The following SEC14L1 variants were observed in gnomAD, a reference collection of about 807,000 sequenced individuals.
SEC14L1 encodes SEC14-like protein 1.
Under a neutral mutation model 85.3 loss-of-function variants are expected in SEC14L1, and 48 were observed. The ratio of observed to expected loss-of-function variants is 0.56; its 90% CI spans 0.45 to 0.72. The LOEUF is 0.72. Ranked by LOEUF, SEC14L1 falls within the 30% of genes least tolerant of loss-of-function variation. The pLI, the probability that SEC14L1 is intolerant of heterozygous loss-of-function variation, is 0.00. For synonymous variants in SEC14L1, 391 were observed against 355.5 expected, an observed-to-expected ratio of 1.10 and a Z score of -1.12; for missense variants, 682 against 921.4, an observed-to-expected ratio of 0.74 and a Z score of 3.36.
chr17:77,201,886 C>T (rs2143121807), intron 9 of SEC14L1, among the ~76,000 whole-genome samples: 1 of 152,334 alleles, frequency 6.6e-6, no homozygotes, highest in South Asian at 2.1e-4. Context: ...ATGAAGTTCA[C>T]TAGGTGACAA....
At chr17:77,181,260 A>G (rs1434004687) in intron 3 of SEC14L1, 1 of 152,376 alleles carries the variant, frequency 6.6e-6, no homozygotes, top group Non-Finnish European at 1.5e-5. Context: ...CCCTCTGCAG[A>G]CATCACCACC....
intron 3 of SEC14L1, among the ~76,000 whole-genome samples, chr17:77,116,398 T>C (rs1433749308): frequency 6.6e-6 from 1 of 152,080 alleles, no homozygotes; most frequent in Non-Finnish European, 1.5e-5. Context: ...GAGAAATTAA[T>C]TCTGACCCTT....
chr17:77,107,378 C>T (rs1048437279), intron 3 of SEC14L1, among the ~76,000 whole-genome samples: 2 of 152,040 alleles, frequency 1.3e-5, no homozygotes, highest in Admixed American at 6.6e-5. Context: ...AGCTATTGAG[C>T]GCTGGGTAGG....
In SEC14L1 at chr17:77,213,858, G is replaced by A. The variant is rs1976901846; in HGVS notation, c.2043-60G>A. 2 of 1,595,590 alleles carry A rather than the reference G, an allele frequency of 1.3e-6. No individual in the cohort carries two copies. The highest frequency in any genetic ancestry group is 2.2e-5 in the South Asian group (2 of 90,424). On this transcript the variant is annotated intron_variant, in intron 16 of 16. Transcript: ENST00000436233. This position sits in a 1 kb window ranked among gnomAD's most constrained non-coding sequence, Gnocchi z 7.1. ...GGCCACGAAGTCCAGCAGGCAGTGT[G>A]GGCCGGCGGGTGGTTGGCAGGGTGG...
At chr17:77,150,766 T>C (rs566213871) in intron 3 of SEC14L1, among the ~76,000 whole-genome samples, 2 of 152,340 alleles carry the variant, frequency 1.3e-5, no homozygotes, top group African/African-American at 4.8e-5. Flanking sequence ...TCTCCATCTT[T>C]GTGGCAGCTA....
At position 77,214,611 on chromosome 17, in the gene SEC14L1, C is replaced by T. The variant is rs189185175; in HGVS notation, c.*588C>T. 36 of 986,594 alleles carry T rather than the reference C, an allele frequency of 3.6e-5. No homozygotes were observed. The highest frequency in any genetic ancestry group is 4.2e-5 in the Non-Finnish European group (35 of 830,858). 61.1% of individuals were successfully genotyped at this position (986,594 alleles called of 1,614,324 possible). A position where few individuals can be genotyped will look rare whatever the true frequency, so the allele number is the denominator to read the frequency against. Reference sequence around the variant, plus strand: ...GTCCCAGGGCCAGACACACCCACACCACCCACTGTCCTGCAGTGGGGCCGG... The same window carrying T: ...GTCCCAGGGCCAGACACACCCACACTACCCACTGTCCTGCAGTGGGGCCGG... On this transcript the variant is annotated 3_prime_UTR_variant, in exon 17 of 17. Coordinates refer to ENST00000436233, the MANE Select transcript of SEC14L1 (RefSeq NM_001143998.2).
At chr17:77,140,273 G>A (rs566643978), upstream of SEC14L1, among the ~76,000 whole-genome samples, 2 of 152,120 alleles carry the variant, frequency 1.3e-5, no homozygotes, top group Non-Finnish European at 1.5e-5. Flanking sequence ...CTGGGCGCGC[G>A]TCTCAGTTTC....
At chr17:77,146,258 C>T (rs1973301128) in intron 3 of SEC14L1, among the ~76,000 whole-genome samples, 2 of 152,138 alleles carry the variant, frequency 1.3e-5, no homozygotes, top group Admixed American at 1.3e-4. Flanking sequence ...GGGGTGGACA[C>T]AGGGCAGAGA....
At chr17:77,196,158 G>A in intron 7 of SEC14L1, 44 bp from the exon 8 acceptor site, 1 of 1,477,872 alleles carries the variant, frequency 6.8e-7, no homozygotes, top group Non-Finnish European at 9.5e-7. Context: ...GGAGCCTAAA[G>A]CTCCAGTGTT....
chr17:77,177,138 C>T (rs12452427), intron 3 of SEC14L1, among the ~76,000 whole-genome samples: 54,144 of 150,920 alleles, frequency 0.36, 9,914 homozygotes, highest in South Asian at 0.43. Context: ...CTTGAGGCAC[C>T]ATGAAAGTTA....
chr17:77,158,883 C>T (rs1294556602), intron 3 of SEC14L1, among the ~76,000 whole-genome samples: 3 of 127,906 alleles, frequency 2.3e-5, no homozygotes, highest in Non-Finnish European at 4.8e-5. Flanking sequence ...ACGATCTCGA[C>T]TCACTGCAAC....
intron 3 of SEC14L1, among the ~76,000 whole-genome samples, chr17:77,109,226 G>C (rs1971994397): frequency 1.3e-5 from 2 of 152,316 alleles, no homozygotes; most frequent in East Asian, 1.9e-4. Flanking sequence ...AAGAGATACA[G>C]GACAATACAA....
intron 3 of SEC14L1, chr17:77,094,686 G>C (rs1971598532): frequency 6.6e-6 from 1 of 151,864 alleles, no homozygotes; most frequent in African/African-American, 2.4e-5. Context: ...GGCTGGTCTT[G>C]AACTCCTGAC....
chr17:77,121,337 CTATT>C (rs1405396087), intron 3 of SEC14L1, among the ~76,000 whole-genome samples: 5 of 152,086 alleles, frequency 3.3e-5, no homozygotes, highest in African/African-American at 1.2e-4. Flanking sequence ...ATAATGGCCA[CTATT>C]TATTGAGGCC....
At position 77,216,607 on chromosome 17, in the gene SEC14L1, C is replaced by G. The variant is rs779746020; in HGVS notation, c.*2584C>G. On this transcript the variant is annotated 3_prime_UTR_variant, in exon 17 of 17. Coordinates refer to ENST00000436233, the MANE Select transcript of SEC14L1 (RefSeq NM_001143998.2). ...CTTCACTCAACAGTCCTCATGTGCC[C>G]AGAGATGTTTATAGAACTGTTTGAA... 3 of 1,613,144 alleles carry G rather than the reference C, an allele frequency of 1.9e-6. No individual in the cohort carries two copies. Among genetic ancestry groups the G allele is most frequent in the Admixed American group, 1.7e-5 (1 of 59,950 alleles).
intron 3 of SEC14L1, among the ~76,000 whole-genome samples, chr17:77,171,496 C>T (rs945981876): frequency 6.6e-6 from 1 of 152,156 alleles, no homozygotes; most frequent in Non-Finnish European, 1.5e-5. Context: ...GGAAAGATTT[C>T]TTTGATACCT....
chr17:77,212,935 GGAT>G (rs1428969449), intron 15 of SEC14L1, among the ~76,000 whole-genome samples: 1 of 152,242 alleles, frequency 6.6e-6, no homozygotes, highest in African/African-American at 2.4e-5. Flanking sequence ...CGAACATGCT[GGAT>G]GATTGGCAGC....
chr17:77,176,325 G>C (rs973477582), intron 3 of SEC14L1, among the ~76,000 whole-genome samples: 1 of 151,948 alleles, frequency 6.6e-6, no homozygotes, highest in African/African-American at 2.4e-5. Context: ...GGAAAGGATA[G>C]GTATATGTAA....
At chr17:77,090,445 A>G (rs957596173) in intron 2 of SEC14L1, among the ~76,000 whole-genome samples, 14 of 150,330 alleles carry the variant, frequency 9.3e-5, no homozygotes, top group African/African-American at 3.2e-4. Context: ...ACTTGAGCTC[A>G]GGAGTTCGCG....
Sources: gnomAD v4.1 joint callset for allele counts (sites outside exome capture counted in the v4.1 genomes callset) on GRCh38, gnomAD v4.1.1 for gene constraint, Gnocchi (gnomAD v3.1) non-coding constraint, MANE v1.5 for transcripts, NCBI Gene and HGNC (gene_info 2026-07-23, HGNC 2026-07-21) for gene names.